ZMAT5: variants seen among roughly 807,000 people sequenced by gnomAD.
The protein encoded by ZMAT5 is zinc finger matrin-type 5, also known as zinc finger matrin-type protein 5.
Under a neutral mutation model 28.0 loss-of-function variants are expected in ZMAT5, and 23 were observed. The ratio of observed to expected loss-of-function variants is 0.82; its 90% CI spans 0.59 to 1.16. ZMAT5 has a LOEUF of 1.16. Ranked by LOEUF, ZMAT5 falls within the 50% of genes most tolerant of loss-of-function variation. The pLI is 0.00. For synonymous variants in ZMAT5, 76 were observed against 84.1 expected, an observed-to-expected ratio of 0.90 and a Z score of 0.52; for missense variants, 173 against 212.7, an observed-to-expected ratio of 0.81 and a Z score of 1.16.
In ZMAT5 at chr22:29,760,748, C is replaced by T. The variant is rs565601624; in HGVS notation, c.-28+6124G>A. Among the ~76,000 whole-genome samples the T allele has an allele frequency of 2.0e-5, 3 of 152,234 alleles. No individual in the cohort carries two copies. The East Asian group carries it at 5.8e-4, about 29-fold the overall frequency. ...TAGACACAGCCCCCTGGACTCATGTCCCAGCTAGAAATCAGTCCAATTATG... is the reference window on the plus strand; with the variant it reads ...TAGACACAGCCCCCTGGACTCATGTTCCAGCTAGAAATCAGTCCAATTATG... On this transcript the variant is annotated intron_variant, in intron 1 of 5. Coordinates refer to ENST00000344318, the MANE Select transcript of ZMAT5 (RefSeq NM_001003692.2).
intron 4 of ZMAT5, among the ~76,000 whole-genome samples, chr22:29,739,455 G>A (rs549444269): frequency 6.6e-5 from 10 of 152,354 alleles, no homozygotes; most frequent in African/African-American, 1.9e-4. Flanking sequence ...GCCCTGGGCT[G>A]TACAGGTGTC....
chr22:29,765,696 C>G (rs2068202284), intron 1 of ZMAT5, among the ~76,000 whole-genome samples: 1 of 151,988 alleles, frequency 6.6e-6, no homozygotes, highest in Non-Finnish European at 1.5e-5. Context: ...ATGGTGAAAC[C>G]CTGTCTCTAC....
chr22:29,745,230 C>T, intron 2 of ZMAT5, among the ~76,000 whole-genome samples: 1 of 152,164 alleles, frequency 6.6e-6, no homozygotes, highest in East Asian at 1.9e-4. Context: ...GATTTGCTGC[C>T]TGACTTGAGT....
chr22:29,752,319 G>A (rs1288063756), intron 1 of ZMAT5, among the ~76,000 whole-genome samples: 3 of 152,178 alleles, frequency 2.0e-5, no homozygotes, highest in Non-Finnish European at 2.9e-5. Context: ...AGCCCCTTTG[G>A]TGGGCTGTAT....
At chr22:29,755,551 T>C (rs962057057) in intron 1 of ZMAT5, among the ~76,000 whole-genome samples, 1 of 152,048 alleles carries the variant, frequency 6.6e-6, no homozygotes, top group Non-Finnish European at 1.5e-5. Context: ...CCCGCTTGCT[T>C]GGCACTTCGC....
rs1287306545 is a variant in ZMAT5, at chr22:29,750,092, G to A, written c.-27-1521C>T. On this transcript the variant is annotated intron_variant, in intron 1 of 5. Transcript: ENST00000344318. Reference sequence around the variant, plus strand: ...TGAGAATATAAACCCATGAGGGCAGGTTTGTGTTTTGTTTACTGCTGGAGC... The same window carrying A: ...TGAGAATATAAACCCATGAGGGCAGATTTGTGTTTTGTTTACTGCTGGAGC... Among the ~76,000 whole-genome samples the A allele has an allele frequency of 2.6e-5, 4 of 152,288 alleles. No homozygotes were observed. The East Asian group carries it at 7.7e-4, about 29-fold the overall frequency.
chr22:29,735,270 C>T (rs1272396877), intron 5 of ZMAT5, among the ~76,000 whole-genome samples: 2 of 152,188 alleles, frequency 1.3e-5, no homozygotes, highest in Admixed American at 6.5e-5. Context: ...TTCCCACAGC[C>T]CCTTTTTCTC....
rs530901157 is a variant in ZMAT5 at position 29,762,466 on chromosome 22, C to T, written c.-28+4406G>A. On this transcript the variant is annotated intron_variant, in intron 1 of 5. Transcript: ENST00000344318. ...GTATTTACAGCCACTCCCCATTGCT[C>T]GCATTACCGCCTGAGCTTCGTCTCC... Among the ~76,000 whole-genome samples, 5 of 152,320 alleles carry T rather than the reference C, an allele frequency of 3.3e-5. No homozygotes were observed. In the East Asian group the frequency reaches 7.7e-4, roughly 23 times the overall value.
chr22:29,743,877 G>A (rs1035450217), intron 2 of ZMAT5, among the ~76,000 whole-genome samples: 1 of 152,190 alleles, frequency 6.6e-6, no homozygotes, highest in African/African-American at 2.4e-5. Flanking sequence ...GGGGAGGGGA[G>A]AGGCAAGGCC....
intron 1 of ZMAT5, among the ~76,000 whole-genome samples, chr22:29,751,130 G>C (rs549336328): frequency 6.6e-6 from 1 of 151,946 alleles, no homozygotes; most frequent in South Asian, 2.1e-4. Context: ...CATTCAGAAA[G>C]CTTGAAGCTC....
chr22:29,740,556 G>T, intron 4 of ZMAT5, 94 bp downstream of exon 4: 1 of 1,319,828 alleles, frequency 7.6e-7, no homozygotes, highest in Non-Finnish European at 1.1e-6. Context: ...CCAATGATGG[G>T]GAGATAGGGA....
At position 29,738,271 on chromosome 22, in the gene ZMAT5, G is replaced by A. The variant is rs1367687037; in HGVS notation, c.383+59C>T. On this transcript the variant is annotated intron_variant, in intron 5 of 5. Coordinates refer to ENST00000344318, the MANE Select transcript of ZMAT5 (RefSeq NM_001003692.2). ...GATTCCTGAGCCTCAGGAAGGGGAA[G>A]GCGGGCTGGGGTTTTGCCCCCAGGG... is the stretch of plus-strand genomic sequence containing the variant. 1.2e-5 allele frequency: 18 copies of A among 1,479,782 alleles called. No individual in the cohort carries two copies. In the South Asian group the frequency reaches 1.9e-4, roughly 16 times the overall value. 91.7% of individuals were successfully genotyped at this position (1,479,782 alleles called of 1,614,324 possible).
rs567968715 is a variant in ZMAT5, at chr22:29,759,740, A to T, written c.-28+7132T>A. On this transcript the variant is annotated intron_variant, in intron 1 of 5. Coordinates refer to ENST00000344318, the MANE Select transcript of ZMAT5 (RefSeq NM_001003692.2). ...AACTCTGATCATGCCACTGTACTCCAGCTTGGGCAACAGAGTGAGACCCTG... is the reference window on the plus strand; with the variant it reads ...AACTCTGATCATGCCACTGTACTCCTGCTTGGGCAACAGAGTGAGACCCTG... Among the ~76,000 whole-genome samples, 4 of 152,262 alleles carry T rather than the reference A, an allele frequency of 2.6e-5. 1 individual carries two copies. The South Asian group carries it at 8.3e-4, about 32-fold the overall frequency.
intron 3 of ZMAT5, 134 bp from the exon 4 acceptor site, chr22:29,740,864 A>G (rs1355256802): frequency 1.3e-6 from 1 of 760,084 alleles, no homozygotes; most frequent in Non-Finnish European, 2.2e-6. Flanking sequence ...CTGATCCGGG[A>G]CAGAAAATGG....
chr22:29,734,440 G>A (rs1186222770), intron 5 of ZMAT5, among the ~76,000 whole-genome samples: 1 of 152,228 alleles, frequency 6.6e-6, no homozygotes, highest in Non-Finnish European at 1.5e-5. Flanking sequence ...CTGAGAGGAA[G>A]AGGGGGTCCC....
intron 5 of ZMAT5, among the ~76,000 whole-genome samples, chr22:29,737,347 G>A (rs2067915782): frequency 6.6e-6 from 1 of 151,770 alleles, no homozygotes; most frequent in African/African-American, 2.4e-5. Flanking sequence ...AAGAAAGAAA[G>A]AAAAAAAACA....
intron 1 of ZMAT5, among the ~76,000 whole-genome samples, chr22:29,753,938 G>A (rs2068076892): frequency 6.6e-6 from 1 of 152,102 alleles, no homozygotes; most frequent in Non-Finnish European, 1.5e-5. Context: ...ATTAGGATAA[G>A]GTTCAACTTG....
At chr22:29,737,917 C>T (rs1185001512) in intron 5 of ZMAT5, among the ~76,000 whole-genome samples, 1 of 152,066 alleles carries the variant, frequency 6.6e-6, no homozygotes, top group Non-Finnish European at 1.5e-5. Context: ...GCAATCCCGG[C>T]TCTACATTTT....
chr22:29,749,604 C>G (rs1048355699), intron 1 of ZMAT5, among the ~76,000 whole-genome samples: 2 of 152,240 alleles, frequency 1.3e-5, no homozygotes, highest in African/African-American at 2.4e-5. Flanking sequence ...GCTTCCTCCA[C>G]TCCCTGCTTT....
Sources: allele counts gnomAD v4.1 joint callset (sites outside exome capture counted in the v4.1 genomes callset), GRCh38; gene constraint gnomAD v4.1.1; transcripts MANE v1.5; gene names NCBI Gene and HGNC (gene_info 2026-07-23, HGNC 2026-07-21).